Variants in GRIK4 observed in about 807,000 individuals in gnomAD.
GRIK4 encodes glutamate ionotropic receptor kainate type subunit 4, also known as glutamate receptor ionotropic, kainate 4.
In GRIK4, 40 loss-of-function variants were observed where a neutral mutation model predicts 104.9. That is an observed-to-expected ratio of 0.38 (90% confidence interval 0.30 to 0.50). The LOEUF is 0.50. Ranked by LOEUF, GRIK4 falls within the 20% of genes least tolerant of loss-of-function variation. GRIK4 has a pLI of 0.93. For missense variants in GRIK4, 1,047 were observed against 1,308.1 expected (o/e 0.80, Z 3.08); for synonymous variants, 485 against 524.9 (o/e 0.92, Z 1.04).
intron 6 of GRIK4, among the ~76,000 whole-genome samples, chr11:120,828,503 C>T (rs1591964786): frequency 6.6e-6 from 1 of 152,052 alleles, no homozygotes; most frequent in East Asian, 1.9e-4. Context: ...TTGCCATCTT[C>T]TTAATGACCC....
At chr11:120,889,328 A>G (rs1470726112) in intron 11 of GRIK4, among the ~76,000 whole-genome samples, 1 of 152,172 alleles carries the variant, frequency 6.6e-6, no homozygotes, top group East Asian at 1.9e-4. Flanking sequence ...TGAAACTCTA[A>G]CAATCTCAGT....
chr11:120,906,841 T>C (rs1163595523), intron 13 of GRIK4, among the ~76,000 whole-genome samples: 1 of 152,154 alleles, frequency 6.6e-6, no homozygotes, highest in Non-Finnish European at 1.5e-5. Flanking sequence ...TTCTGGGAAT[T>C]CTGAACGACC....
intron 1 of GRIK4, among the ~76,000 whole-genome samples, chr11:120,607,693 G>A (rs535100872): frequency 7.9e-5 from 12 of 152,254 alleles, no homozygotes; most frequent in African/African-American, 2.9e-4. Flanking sequence ...GGGTGTGGGC[G>A]TGAGACACAG....
At chr11:120,852,092 G>A (rs1478263841) in intron 8 of GRIK4, among the ~76,000 whole-genome samples, 1 of 152,214 alleles carries the variant, frequency 6.6e-6, no homozygotes, top group Non-Finnish European at 1.5e-5. Context: ...GGGAGAGCCC[G>A]AGGTGTCCAC....
At chr11:120,879,229 AAC>A (rs1226503525) in intron 11 of GRIK4, among the ~76,000 whole-genome samples, 1 of 152,248 alleles carries the variant, frequency 6.6e-6, no homozygotes, top group African/African-American at 2.4e-5. Flanking sequence ...GAATCCCTAA[AAC>A]CCCAAATCAA....
intron 19 of GRIK4, among the ~76,000 whole-genome samples, chr11:120,976,165 G>A (rs755453839): frequency 3.3e-5 from 5 of 152,102 alleles, no homozygotes; most frequent in East Asian, 1.9e-4. Flanking sequence ...TGTTTTTAAC[G>A]ATAATTGAAT....
intron 4 of GRIK4, among the ~76,000 whole-genome samples, chr11:120,805,774 C>T (rs1317759971): frequency 1.3e-5 from 2 of 152,134 alleles, no homozygotes; most frequent in African/African-American, 4.8e-5. Context: ...TGGGTTGTGG[C>T]TTAAGCGCCT....
intron 3 of GRIK4, among the ~76,000 whole-genome samples, chr11:120,703,413 G>T (rs1950583456): frequency 6.6e-6 from 1 of 152,046 alleles, no homozygotes; most frequent in Admixed American, 6.5e-5. Flanking sequence ...TTTGGAGAAG[G>T]AGATAATGTA....
At position 120,953,169 on chromosome 11, in the gene GRIK4, C is replaced by G. The variant is rs575055081; in HGVS notation, c.1700+205C>G. 6.6e-6 allele frequency among the ~76,000 whole-genome samples: 1 copy of G among 152,076 alleles called. No individual in the cohort carries two copies. The highest frequency in any genetic ancestry group is 1.9e-4 in the East Asian group (1 of 5,166). On this transcript the variant is annotated intron_variant, in intron 15 of 20. Transcript: ENST00000527524. The surrounding 1 kb of genome is among the most constrained non-coding windows in gnomAD (Gnocchi z 4.9). ...CTCATGCTGCCCATCCAAACATTCC[C>G]CACTGTGCACGACGCAGACAGGTGG...
intron 7 of GRIK4, among the ~76,000 whole-genome samples, chr11:120,832,833 C>T (rs80148567): frequency 0.015 from 2,248 of 152,292 alleles, 59 homozygotes; most frequent in African/African-American, 0.05. Flanking sequence ...TGGGTAGCAT[C>T]GGAGTCACCT....
intron 3 of GRIK4, among the ~76,000 whole-genome samples, chr11:120,678,907 A>G (rs1187907443): frequency 6.6e-6 from 1 of 150,846 alleles, no homozygotes; most frequent in Non-Finnish European, 1.5e-5. Flanking sequence ...TGCTGGGATT[A>G]CAGGTATGAG....
intron 3 of GRIK4, among the ~76,000 whole-genome samples, chr11:120,728,126 T>C (rs1778981656): frequency 6.6e-6 from 1 of 152,082 alleles, no homozygotes; most frequent in Non-Finnish European, 1.5e-5. Context: ...ATTTTAGTAA[T>C]ATAACTGGGT....
chr11:120,936,511 C>T (rs1213159507), intron 13 of GRIK4: 2 of 187,436 alleles, frequency 1.1e-5, no homozygotes, highest in Admixed American at 6.0e-5. Context: ...ACATGGCCTT[C>T]CAGCACTGAG....
intron 16 of GRIK4, among the ~76,000 whole-genome samples, chr11:120,957,466 C>G (rs766293998): frequency 6.6e-6 from 1 of 152,164 alleles, no homozygotes; most frequent in Non-Finnish European, 1.5e-5. Context: ...CAACTCTTGT[C>G]GTTCAGAGTT....
chr11:120,986,224 G>C lies in GRIK4; in HGVS notation c.2835G>C (p.Glu945Asp). The change falls in exon 21 of 21, where the codon GAG becomes GAC. Residue 945 changes from glutamate (E) to aspartate (D), a missense_variant. Around this residue, in one of 3 missense-constraint regions of GRIK4, gnomAD observed 160 missense variants for 140.9 expected, o/e 1.14. Coordinates refer to ENST00000527524, the MANE Select transcript of GRIK4 (RefSeq NM_014619.5). ...PSPARSEESL[E>D]WEKTTNSSEP... ...CCGCCCGCAGCGAGGAGAGCCTGGA[G>C]TGGGAGAAAACCACCAACAGCAGCG... 6.4e-7 allele frequency: 1 copy of C among 1,573,810 alleles called. No individual in the cohort carries two copies. The highest frequency in any genetic ancestry group is 1.1e-5 in the South Asian group (1 of 88,850).
intron 3 of GRIK4, among the ~76,000 whole-genome samples, chr11:120,681,302 T>C (rs1455913658): frequency 6.6e-6 from 1 of 151,904 alleles, no homozygotes; most frequent in East Asian, 1.9e-4. Context: ...TCCTGGGCTC[T>C]GAGACTGTGG....
At chr11:120,553,421 G>C (rs1485916138) in intron 1 of GRIK4, among the ~76,000 whole-genome samples, 3 of 152,214 alleles carry the variant, frequency 2.0e-5, no homozygotes, top group Admixed American at 6.5e-5. Flanking sequence ...AGCCACTGTT[G>C]ACCAAGGGGA....
chr11:120,780,716 TTTTGTTTG>T (rs769075211), intron 3 of GRIK4, among the ~76,000 whole-genome samples: 1 of 152,102 alleles, frequency 6.6e-6, no homozygotes, highest in African/African-American at 2.4e-5. Context: ...CCGGGGTTTT[TTTTGTTTG>T]TTTGTTTGTT....
intron 1 of GRIK4, among the ~76,000 whole-genome samples, chr11:120,597,911 G>A (rs1398026535): frequency 1.3e-5 from 2 of 152,116 alleles, no homozygotes; most frequent in Non-Finnish European, 2.9e-5. Flanking sequence ...CCTAATTACT[G>A]CTTGATGGAA....
Sources: gnomAD v4.1 joint callset for allele counts (sites outside exome capture counted in the v4.1 genomes callset) on GRCh38, gnomAD v4.1.1 for gene constraint, gnomAD v4.1.1 regional missense constraint, Gnocchi (gnomAD v3.1) non-coding constraint, MANE v1.5 for transcripts, NCBI Gene and HGNC (gene_info 2026-07-23, HGNC 2026-07-21) for gene names.